Variants in TSPAN11 observed in about 807,000 individuals in gnomAD.
The protein encoded by TSPAN11 is tetraspanin-11.
TSPAN11 carries 29 observed loss-of-function variants against 32.9 expected under a neutral mutation model. The ratio of observed to expected loss-of-function variants is 0.88; its 90% confidence interval spans 0.66 to 1.20. The LOEUF (loss-of-function observed/expected upper bound fraction) is 1.20, where lower values mean the gene tolerates loss of function less well. TSPAN11 is among the 50% of genes most tolerant of loss of function. TSPAN11 has a pLI of 0.00. For missense variants in TSPAN11, 283 were observed against 329.1 expected (o/e 0.86, Z 1.08); for synonymous variants, 140 against 141.3 (o/e 0.99, Z 0.07).
chr12:30,930,841 C>T (rs2140267162), intron 1 of TSPAN11, among the ~76,000 whole-genome samples: 1 of 152,310 alleles, frequency 6.6e-6, no homozygotes, highest in Admixed American at 6.5e-5. Context: ...CCCTGGGATG[C>T]TTTTCCAACT....
At chr12:30,979,419 C>T in intron 4 of TSPAN11, 147 bp from the exon 5 acceptor site, 1 of 713,692 alleles carries the variant, frequency 1.4e-6, no homozygotes, top group Non-Finnish European at 2.4e-6. Flanking sequence ...GCTGATGGTC[C>T]CTTACGCTGT....
chr12:30,956,587 C>T (rs938447503), intron 2 of TSPAN11, among the ~76,000 whole-genome samples: 1 of 152,034 alleles, frequency 6.6e-6, no homozygotes, highest in African/African-American at 2.4e-5. Context: ...AAGCTGATGT[C>T]GATTGGATGA....
chr12:30,993,243 GGCACCTT>G lies in TSPAN11; in HGVS notation c.*1330_*1336del, dbSNP rs1024467398. 2.6e-5 allele frequency: 4 copies of G among 152,228 alleles called. No individual in the cohort carries two copies. The highest frequency in any genetic ancestry group is 2.0e-4 in the Admixed American group (3 of 15,288). The allele number at this position is 152,228 out of a possible 1,614,324, so 9.4% of individuals were successfully genotyped here. On this transcript the variant is annotated 3_prime_UTR_variant, in exon 8 of 8. Coordinates refer to ENST00000546076, the MANE Select transcript of TSPAN11 (RefSeq NM_001370302.1). The stretch of plus-strand genomic sequence containing the variant: ...CCTCTTACTTCCCCCCATGAAGGGG[GGCACCTT>G]GTGCTAAGGCCAAGGCTGAGCGAGG...
At chr12:30,943,168 C>T (rs544474607) in intron 1 of TSPAN11, among the ~76,000 whole-genome samples, 8 of 152,228 alleles carry the variant, frequency 5.3e-5, no homozygotes, top group Non-Finnish European at 1.2e-4. Context: ...CCTCCCACAG[C>T]CCCGACTGGG....
chr12:30,964,085 T>G, intron 3 of TSPAN11, 68 bp downstream of exon 3: 1 of 1,551,604 alleles, frequency 6.4e-7, no homozygotes, highest in Non-Finnish European at 8.7e-7. Flanking sequence ...TTCCAGCAAG[T>G]GAGAGGGGCC....
Position 30,979,596 on chromosome 12 carries a change from C to G in TSPAN11, c.382C>G (p.Arg128Gly), listed in dbSNP as rs140567552. 13 of 1,614,198 alleles carry G rather than the reference C, an allele frequency of 8.1e-6. No homozygotes were observed. The Admixed American group carries it at 2.2e-4, about 27-fold the overall frequency. ...TGATGAACTGAAGCAGCACTTGAAC[C>G]GGACTCTGGCTGAGAACTACGGGCA... is the stretch of plus-strand genomic sequence containing the variant. ...LSDELKQHLN[R>G]TLAENYGQPG... Residue 128 changes from arginine (R) to glycine (G), a missense_variant, in exon 5 of 8, where the codon CGG becomes GGG. Physicochemically the swap from Arg to Gly is moderately radical, Grantham distance 125 (BLOSUM62 -2). Transcript: ENST00000546076.
chr12:30,977,190 G>C (rs1249223718), intron 3 of TSPAN11, among the ~76,000 whole-genome samples: 2 of 152,242 alleles, frequency 1.3e-5, no homozygotes. Context: ...GCCCATGCCA[G>C]GCTCCCTGCT....
the TSPAN11 span, among the ~76,000 whole-genome samples, chr12:31,003,841 A>T: frequency 6.6e-6 from 1 of 152,298 alleles, no homozygotes; most frequent in African/African-American, 2.4e-5. Flanking sequence ...GTCTCAGAGA[A>T]GCTGTCTTTA....
chr12:30,946,155 G>A (rs927546434), intron 1 of TSPAN11, among the ~76,000 whole-genome samples: 2 of 152,172 alleles, frequency 1.3e-5, no homozygotes, highest in African/African-American at 4.8e-5. Context: ...CAGCATCTGG[G>A]AGCAGTGGCC....
At chr12:30,999,175 G>T (rs1939454251), downstream of TSPAN11, 1 of 152,174 alleles carries the variant, frequency 6.6e-6, no homozygotes, top group Admixed American at 6.5e-5. Context: ...GGCCGGGCAT[G>T]GTGGCACATA....
intron 1 of TSPAN11, among the ~76,000 whole-genome samples, chr12:30,937,509 A>C (rs887654502): frequency 9.9e-5 from 15 of 152,186 alleles, no homozygotes; most frequent in African/African-American, 3.1e-4. Context: ...TAGTTAAAAC[A>C]AAGGCTGAAC....
intron 3 of TSPAN11, among the ~76,000 whole-genome samples, chr12:30,976,913 AG>A (rs1410672461): frequency 6.6e-6 from 1 of 152,188 alleles, no homozygotes. Context: ...TTCCTGATGC[AG>A]CGAAGAGCCT....
intron 1 of TSPAN11, among the ~76,000 whole-genome samples, chr12:30,948,434 T>C (rs539475156): frequency 3.3e-5 from 5 of 152,358 alleles, no homozygotes; most frequent in Non-Finnish European, 1.5e-5. Flanking sequence ...GGTGTTTCCA[T>C]GTGTCTTCTG....
At chr12:30,985,345 G>T (rs1179999124) in intron 7 of TSPAN11, among the ~76,000 whole-genome samples, 1 of 151,952 alleles carries the variant, frequency 6.6e-6, no homozygotes, top group Non-Finnish European at 1.5e-5. Context: ...TTCAATAAAT[G>T]ATACCCATCA....
chr12:30,996,652 T>C (rs758353494), downstream of TSPAN11: 1 of 152,174 alleles, frequency 6.6e-6, no homozygotes, highest in Non-Finnish European at 1.5e-5. Flanking sequence ...AGGCCATCAG[T>C]TCATTAAATG....
chr12:30,964,387 TTC>T (rs1362391461), intron 3 of TSPAN11, among the ~76,000 whole-genome samples: 1 of 151,956 alleles, frequency 6.6e-6, no homozygotes, highest in Non-Finnish European at 1.5e-5. Flanking sequence ...TTCCTTCTTA[TTC>T]TCTTTTTCCT....
At chr12:30,999,549 T>G (rs1939458666), downstream of TSPAN11, among the ~76,000 whole-genome samples, 1 of 150,970 alleles carries the variant, frequency 6.6e-6, no homozygotes, top group South Asian at 2.1e-4. Flanking sequence ...GAATGTCTCA[T>G]GTAATTTATT....
chr12:30,974,229 G>A (rs75003218), intron 3 of TSPAN11, among the ~76,000 whole-genome samples: 3,084 of 152,290 alleles, frequency 0.02, 101 homozygotes, highest in African/African-American at 0.069. Context: ...GGACACATAC[G>A]CAAATCAAGT....
At chr12:30,938,570 CTG>C (rs1215114052) in intron 1 of TSPAN11, among the ~76,000 whole-genome samples, 2 of 152,222 alleles carry the variant, frequency 1.3e-5, no homozygotes, top group Non-Finnish European at 2.9e-5. Flanking sequence ...CCTGCACAGA[CTG>C]TGCCTTGCAC....
Sources: allele counts gnomAD v4.1 joint callset (sites outside exome capture counted in the v4.1 genomes callset), GRCh38; gene constraint gnomAD v4.1.1; transcripts MANE v1.5; gene names NCBI Gene and HGNC (gene_info 2026-07-23, HGNC 2026-07-21).